CELF1: variants seen among roughly 807,000 people sequenced by gnomAD.
CELF1 encodes the protein 50 kDa nuclear polyadenylated RNA-binding protein.
CELF1 carries 10 observed loss-of-function variants against 61.8 expected under a neutral mutation model. The observed-to-expected ratio is 0.16, with a 90% confidence interval of 0.10 to 0.27. The LOEUF is 0.27. Ranked by LOEUF, CELF1 falls within the 10% of genes least tolerant of loss-of-function variation. CELF1 has a pLI of 1.00. For synonymous variants in CELF1, 236 were observed against 225.1 expected (o/e 1.05, Z -0.43); for missense variants, 380 against 639.1 (o/e 0.59, Z 4.37).
At chr11:47,482,664 A>G (rs1391428759) in intron 9 of CELF1, 31 bp downstream of exon 9, 2 of 1,599,266 alleles carry the variant, frequency 1.3e-6, no homozygotes, top group Middle Eastern at 4.2e-4. Flanking sequence ...GAGCTTGCAC[A>G]GTCTGCAGAA....
intron 1 of CELF1, among the ~76,000 whole-genome samples, chr11:47,549,340 T>C (rs1156675699): frequency 1.3e-5 from 2 of 152,200 alleles, no homozygotes; most frequent in Non-Finnish European, 2.9e-5. Context: ...ACAACTGATA[T>C]TGTTCCAGAG....
chr11:47,536,030 G>A (rs1393098994), intron 1 of CELF1, among the ~76,000 whole-genome samples: 2 of 152,158 alleles, frequency 1.3e-5, no homozygotes, highest in Non-Finnish European at 2.9e-5. Flanking sequence ...CCAAGGTGCT[G>A]GGATTATAGG....
chr11:47,483,142 T>C (rs1167669736), intron 8 of CELF1, among the ~76,000 whole-genome samples: 2 of 151,950 alleles, frequency 1.3e-5, no homozygotes, highest in Non-Finnish European at 2.9e-5. Context: ...TGTGCACCTG[T>C]AGTCCCAGCT....
chr11:47,492,802 A>T (rs1050772791), intron 3 of CELF1, among the ~76,000 whole-genome samples: 3 of 152,160 alleles, frequency 2.0e-5, no homozygotes, highest in African/African-American at 7.2e-5. Context: ...AACTTTAATT[A>T]CCAGTTGTAA....
At chr11:47,561,519 G>A (rs1788885422) in intron 2 of CELF1, among the ~76,000 whole-genome samples, 1 of 148,760 alleles carries the variant, frequency 6.7e-6, no homozygotes, top group African/African-American at 2.5e-5. Context: ...ATGAAAGACA[G>A]ATAATAAGTG....
At chr11:47,539,982 T>C (rs1470246169) in intron 1 of CELF1, among the ~76,000 whole-genome samples, 1 of 152,236 alleles carries the variant, frequency 6.6e-6, no homozygotes, top group Non-Finnish European at 1.5e-5. Context: ...ATCTCAGTTC[T>C]AATCTCAAAT....
intron 12 of CELF1, among the ~76,000 whole-genome samples, chr11:47,475,732 C>T (rs925479783): frequency 3.3e-5 from 5 of 152,140 alleles, no homozygotes; most frequent in Admixed American, 1.3e-4. Flanking sequence ...ATGCCATACG[C>T]GGGTGTTGTG....
chr11:47,476,010 T>G (rs977332247), intron 12 of CELF1, among the ~76,000 whole-genome samples: 7 of 151,874 alleles, frequency 4.6e-5, no homozygotes, highest in African/African-American at 1.7e-4. Flanking sequence ...TTTTTTTTTT[T>G]TTTTTTGGAG....
At chr11:47,556,769 T>G (rs576642299), upstream of CELF1, among the ~76,000 whole-genome samples, 18 of 152,190 alleles carry the variant, frequency 1.2e-4, no homozygotes, top group Non-Finnish European at 2.5e-4. Context: ...CAGTTCCAAC[T>G]ACTTAAGAAG....
chr11:47,538,682 TTG>T (rs2096698329), intron 1 of CELF1, among the ~76,000 whole-genome samples: 1 of 151,548 alleles, frequency 6.6e-6, no homozygotes. Flanking sequence ...CAAAACTAGC[TTG>T]TCTCTTTTTA....
intron 1 of CELF1, 131 bp from the exon 2 acceptor site, chr11:47,501,063 A>C: frequency 2.5e-6 from 1 of 395,716 alleles, no homozygotes; most frequent in East Asian, 3.6e-5. Flanking sequence ...ATCTGTCTGC[A>C]CCTGACCCAG....
chr11:47,549,820 G>GTTTTT (rs143103415), intron 1 of CELF1, among the ~76,000 whole-genome samples: 340 of 145,148 alleles, frequency 2.3e-3, no homozygotes, highest in Middle Eastern at 0.014. Context: ...GGTTTTTTTT[G>GTTTTT]TTTTTTTTTT....
chr11:47,551,779 C>A (rs1233850902), intron 1 of CELF1, among the ~76,000 whole-genome samples: 1 of 152,108 alleles, frequency 6.6e-6, no homozygotes, highest in Non-Finnish European at 1.5e-5. Flanking sequence ...TCTGGGAGGT[C>A]GAGGCGGGTG....
intron 6 of CELF1, among the ~76,000 whole-genome samples, chr11:47,484,931 G>A (rs1192306303): frequency 6.8e-6 from 1 of 148,032 alleles, no homozygotes; most frequent in African/African-American, 2.7e-5. Flanking sequence ...ACCCGCCTCG[G>A]CCTCCCAAAG....
chr11:47,564,171 CAAAAAAAAA>C (rs779009192), intron 2 of CELF1, among the ~76,000 whole-genome samples: 1 of 62,914 alleles, frequency 1.6e-5, no homozygotes, highest in African/African-American at 6.1e-5. Context: ...ACTAAAAATA[CAAAAAAAAA>C]AAAAAAAAAA....
intron 1 of CELF1, among the ~76,000 whole-genome samples, chr11:47,503,521 C>T (rs532920879): frequency 1.4e-4 from 22 of 152,274 alleles, no homozygotes; most frequent in Non-Finnish European, 2.1e-4. Flanking sequence ...CATTAAAAAT[C>T]ACCATCAATC....
chr11:47,502,978 A>G (rs555897169), intron 1 of CELF1, among the ~76,000 whole-genome samples: 1 of 152,150 alleles, frequency 6.6e-6, no homozygotes, highest in East Asian at 1.9e-4. Flanking sequence ...TGTTCCTTTC[A>G]CTCTGAATGT....
intron 13 of CELF1, among the ~76,000 whole-genome samples, 180 bp from the exon 14 acceptor site, chr11:47,473,411 C>T (rs561582686): frequency 6.6e-6 from 1 of 152,194 alleles, no homozygotes; most frequent in Non-Finnish European, 1.5e-5. Context: ...AACATTAAAA[C>T]AGATTCCTTC....
intron 1 of CELF1, chr11:47,524,705 A>G (rs1220406885): frequency 6.6e-6 from 1 of 152,374 alleles, no homozygotes; most frequent in East Asian, 1.9e-4. Context: ...GTACAAATAT[A>G]GCAAGCTAAA....
Sources: gnomAD v4.1 joint callset for allele counts (sites outside exome capture counted in the v4.1 genomes callset) on GRCh38, gnomAD v4.1.1 for gene constraint, MANE v1.5 for transcripts, NCBI Gene and HGNC (gene_info 2026-07-23, HGNC 2026-07-21) for gene names.